ANKRD6: variants seen among roughly 807,000 people sequenced by gnomAD.
The protein encoded by ANKRD6 is ankyrin repeat domain 6, also known as ankyrin repeat domain-containing protein 6.
A neutral mutation model predicts 82.3 loss-of-function variants in ANKRD6; 56 were observed. The observed-to-expected ratio is 0.68, with a 90% CI of 0.55 to 0.85. The LOEUF is 0.85. ANKRD6 is among the 40% of genes least tolerant of loss of function. ANKRD6 has a pLI of 0.00. For missense variants in ANKRD6, 852 were observed against 907.6 expected, an observed-to-expected ratio of 0.94 and a Z score of 0.79; for synonymous variants, 347 against 352.1, an observed-to-expected ratio of 0.99 and a Z score of 0.16.
chr6:89,515,277 C>G (rs966971658), intron 1 of ANKRD6, among the ~76,000 whole-genome samples: 1 of 152,194 alleles, frequency 6.6e-6, no homozygotes, highest in South Asian at 2.1e-4. Flanking sequence ...AGTTTTTCTA[C>G]CTTTGTGTTC....
At chr6:89,572,711 G>A (rs1790212536) in intron 2 of ANKRD6, among the ~76,000 whole-genome samples, 1 of 152,052 alleles carries the variant, frequency 6.6e-6, no homozygotes. Flanking sequence ...TAAGGTAAGG[G>A]TCCATCTTTA....
intron 5 of ANKRD6, 77 bp downstream of exon 5, chr6:89,606,182 C>CTTCCA: frequency 8.1e-7 from 1 of 1,234,690 alleles, no homozygotes; most frequent in East Asian, 2.6e-5. Context: ...TGGGAGCCTT[C>CTTCCA]TTCCAGTGAG....
chr6:89,542,601 G>T (rs1165081973), intron 1 of ANKRD6, among the ~76,000 whole-genome samples: 1 of 152,120 alleles, frequency 6.6e-6, no homozygotes, highest in Non-Finnish European at 1.5e-5. Context: ...CACTTTTCTA[G>T]AGGTCTCTTG....
At chr6:89,444,186 G>A (rs1214000543) in intron 1 of ANKRD6, among the ~76,000 whole-genome samples, 5 of 152,204 alleles carry the variant, frequency 3.3e-5, no homozygotes, top group Non-Finnish European at 5.9e-5. Context: ...ATAATTTTCT[G>A]AATCTCCAGA....
intron 3 of ANKRD6, among the ~76,000 whole-genome samples, chr6:89,596,314 G>A (rs1405606718): frequency 6.6e-6 from 1 of 152,042 alleles, no homozygotes; most frequent in Non-Finnish European, 1.5e-5. Flanking sequence ...GGGGATTTTT[G>A]CCTGTGTCCT....
intron 1 of ANKRD6, among the ~76,000 whole-genome samples, chr6:89,550,986 G>A (rs560726555): frequency 1.3e-5 from 2 of 152,146 alleles, no homozygotes; most frequent in East Asian, 3.9e-4. Flanking sequence ...GAAAGTATAT[G>A]TATACACACA....
intron 1 of ANKRD6, among the ~76,000 whole-genome samples, chr6:89,526,291 G>A (rs1242639451): frequency 6.6e-6 from 1 of 152,170 alleles, no homozygotes; most frequent in Non-Finnish European, 1.5e-5. Flanking sequence ...ATAATCTCTG[G>A]TGCTGACATC....
intron 1 of ANKRD6, among the ~76,000 whole-genome samples, chr6:89,523,341 T>G (rs995736529): frequency 3.1e-4 from 47 of 152,224 alleles, no homozygotes; most frequent in African/African-American, 1.1e-3. Context: ...AGAATTTGCC[T>G]TCAAAGACTG....
intron 2 of ANKRD6, among the ~76,000 whole-genome samples, chr6:89,572,637 C>T (rs1790188521): frequency 6.6e-6 from 1 of 152,148 alleles, no homozygotes; most frequent in East Asian, 1.9e-4. Context: ...CTTGTAGAAG[C>T]TTTATAGATT....
intron 1 of ANKRD6, among the ~76,000 whole-genome samples, chr6:89,472,964 C>T (rs910506914): frequency 6.6e-5 from 10 of 152,144 alleles, no homozygotes; most frequent in African/African-American, 2.2e-4. Context: ...TTCTTTAAAT[C>T]GGAGATTATT....
intron 2 of ANKRD6, among the ~76,000 whole-genome samples, chr6:89,588,482 A>G (rs1465180186): frequency 6.6e-6 from 1 of 152,190 alleles, no homozygotes; most frequent in Non-Finnish European, 1.5e-5. Flanking sequence ...AAATGATTAC[A>G]CTAATTTAAC....
chr6:89,540,574 G>A (rs747546621), intron 1 of ANKRD6, among the ~76,000 whole-genome samples: 8 of 152,132 alleles, frequency 5.3e-5, no homozygotes, highest in Non-Finnish European at 8.8e-5. Context: ...CATTCTGCAG[G>A]TTGTCTCTTT....
chr6:89,618,692 A>C (rs1332440198), intron 9 of ANKRD6, among the ~76,000 whole-genome samples: 1 of 152,242 alleles, frequency 6.6e-6, no homozygotes, highest in African/African-American at 2.4e-5. Flanking sequence ...TAGATGAAAC[A>C]GACACATAAT....
intron 1 of ANKRD6, among the ~76,000 whole-genome samples, chr6:89,522,238 AG>A (rs1001847293): frequency 2.6e-5 from 4 of 152,166 alleles, no homozygotes; most frequent in Non-Finnish European, 5.9e-5. Flanking sequence ...CCATGGGAGA[AG>A]GGTCCCTGGC....
intron 1 of ANKRD6, among the ~76,000 whole-genome samples, chr6:89,547,222 T>C (rs956075419): frequency 1.3e-5 from 2 of 151,630 alleles, no homozygotes; most frequent in Non-Finnish European, 2.9e-5. Flanking sequence ...ATATGTGTTC[T>C]AGCAATGAGT....
intron 1 of ANKRD6, among the ~76,000 whole-genome samples, chr6:89,526,447 G>T (rs1257759868): frequency 1.3e-5 from 2 of 152,176 alleles, no homozygotes; most frequent in Non-Finnish European, 2.9e-5. Flanking sequence ...CAGTAGTCCT[G>T]TTGGCAGGCT....
chr6:89,600,968 C>T (rs1797008839), intron 3 of ANKRD6, among the ~76,000 whole-genome samples: 1 of 152,130 alleles, frequency 6.6e-6, no homozygotes, highest in Non-Finnish European at 1.5e-5. Flanking sequence ...ACCTGGGAGG[C>T]AGAGGTTGCA....
intron 1 of ANKRD6, among the ~76,000 whole-genome samples, chr6:89,531,515 A>G (rs916480214): frequency 6.6e-6 from 1 of 152,246 alleles, no homozygotes; most frequent in Non-Finnish European, 1.5e-5. Context: ...ACATCTGCAC[A>G]TGCTGCTTGC....
intron 1 of ANKRD6, among the ~76,000 whole-genome samples, chr6:89,527,830 G>A (rs377311153): frequency 2.0e-5 from 3 of 151,886 alleles, no homozygotes; most frequent in South Asian, 4.2e-4. Context: ...TTTGTTTTTT[G>A]ACAGAGTCTT....
Sources: gnomAD v4.1 joint callset for allele counts (sites outside exome capture counted in the v4.1 genomes callset) on GRCh38, gnomAD v4.1.1 for gene constraint, MANE v1.5 for transcripts, NCBI Gene and HGNC (gene_info 2026-07-23, HGNC 2026-07-21) for gene names.